Variants in NBAS observed in about 807,000 individuals in gnomAD.
The protein encoded by NBAS is NBAS subunit of NRZ tethering complex.
NBAS carries 219 observed loss-of-function variants against 302.5 expected under a neutral mutation model. That is an observed-to-expected ratio of 0.72 (90% confidence interval 0.65 to 0.81). The LOEUF is 0.81. Among genes scored for constraint, NBAS ranks in the 30% least tolerant of loss-of-function variants. The pLI is 0.00. For missense variants in NBAS, 2,932 were observed against 2,841.6 expected, an observed-to-expected ratio of 1.03 and a Z score of -0.72; for synonymous variants, 1,118 against 1,021.6, an observed-to-expected ratio of 1.09 and a Z score of -1.80.
At chr2:14,938,588 C>G in the NBAS span, among the ~76,000 whole-genome samples, 2 of 152,290 alleles carry the variant, frequency 1.3e-5, no homozygotes, top group Non-Finnish European at 2.9e-5. Context: ...ATCAAGAATA[C>G]CAGATTCTAC....
At chr2:15,130,760 A>T in the NBAS span, among the ~76,000 whole-genome samples, 3 of 152,214 alleles carry the variant, frequency 2.0e-5, no homozygotes, top group Admixed American at 2.0e-4. Flanking sequence ...GTCTCCGCTA[A>T]GCCATTCCCT....
intron 9 of NBAS, among the ~76,000 whole-genome samples, chr2:15,511,698 A>C (rs965670747): frequency 1.3e-5 from 2 of 152,220 alleles, no homozygotes; most frequent in Non-Finnish European, 2.9e-5. Context: ...CACATTATGT[A>C]TTAATTATGG....
intron 12 of NBAS, among the ~76,000 whole-genome samples, chr2:15,479,757 C>A (rs1423721067): frequency 6.6e-6 from 1 of 152,190 alleles, no homozygotes; most frequent in Non-Finnish European, 1.5e-5. Context: ...CTCTTCCCTG[C>A]ACACTGCTTA....
intron 51 of NBAS, among the ~76,000 whole-genome samples, chr2:15,168,587 C>A (rs1355472348): frequency 6.6e-6 from 1 of 152,180 alleles, no homozygotes; most frequent in African/African-American, 2.4e-5. Flanking sequence ...TCCCAAGATG[C>A]CTGAGATCTG....
At chr2:15,313,979 A>C (rs1394433302) in intron 38 of NBAS, among the ~76,000 whole-genome samples, 1 of 152,236 alleles carries the variant, frequency 6.6e-6, no homozygotes, top group East Asian at 1.9e-4. Flanking sequence ...ATTCTATTTA[A>C]ATTCTTCAGT....
intron 40 of NBAS, among the ~76,000 whole-genome samples, chr2:15,299,757 G>GA (rs764617215): frequency 1.3e-5 from 2 of 151,332 alleles, no homozygotes; most frequent in Admixed American, 6.6e-5. Context: ...AGATATGAGG[G>GA]AAAAAAAATC....
the NBAS span, among the ~76,000 whole-genome samples, chr2:15,006,266 A>G: frequency 4.6e-5 from 7 of 152,192 alleles, no homozygotes; most frequent in Non-Finnish European, 1.0e-4. Context: ...TTTGATTCAG[A>G]AATTCTGCCT....
the NBAS span, among the ~76,000 whole-genome samples, chr2:15,089,770 A>T: frequency 8.1e-6 from 1 of 124,108 alleles, no homozygotes; most frequent in African/African-American, 3.2e-5. Flanking sequence ...TTTTTTTGAG[A>T]CAGAGTCTCG....
chr2:14,880,570 G>A, the NBAS span, among the ~76,000 whole-genome samples: 1 of 151,752 alleles, frequency 6.6e-6, no homozygotes, highest in Admixed American at 6.6e-5. Flanking sequence ...ACATTATAAG[G>A]TAAAAAGGAG....
At chr2:15,456,507 A>G (rs899977771) in intron 21 of NBAS, among the ~76,000 whole-genome samples, 6 of 152,202 alleles carry the variant, frequency 3.9e-5, no homozygotes, top group African/African-American at 1.2e-4. Flanking sequence ...TGTACTAGGC[A>G]CTGTTCTCAG....
the NBAS span, among the ~76,000 whole-genome samples, chr2:14,868,873 A>G: frequency 6.6e-6 from 1 of 152,216 alleles, no homozygotes; most frequent in African/African-American, 2.4e-5. Context: ...AAGATGGCTG[A>G]GGGGTGGTGC....
chr2:15,147,760 T>C, the NBAS span, among the ~76,000 whole-genome samples: 4 of 152,196 alleles, frequency 2.6e-5, no homozygotes, highest in Non-Finnish European at 5.9e-5. Context: ...CTCATTTACG[T>C]AGCCTGCAAA....
chr2:14,883,922 T>C, the NBAS span, among the ~76,000 whole-genome samples: 2 of 151,398 alleles, frequency 1.3e-5, no homozygotes, highest in South Asian at 2.1e-4. Context: ...CAGTGAACCA[T>C]GATTGCCTCA....
At chr2:15,106,363 T>C in the NBAS span, among the ~76,000 whole-genome samples, 3 of 152,096 alleles carry the variant, frequency 2.0e-5, no homozygotes, top group Admixed American at 6.6e-5. Flanking sequence ...CACAGAGTAA[T>C]GTGACAAGTG....
In NBAS at chr2:15,344,094, G is replaced by GA. The variant is rs547849661; in HGVS notation, c.4179+7897dup. Among the ~76,000 whole-genome samples the GA allele has an allele frequency of 3.6e-3, 545 of 149,964 alleles. 2 individuals are homozygous for GA. Among genetic ancestry groups the GA allele is most frequent in the Non-Finnish European group, 4.9e-3 (330 of 67,464 alleles). On this transcript the variant is annotated intron_variant, in intron 35 of 51. Coordinates refer to ENST00000281513, the MANE Select transcript of NBAS (RefSeq NM_015909.4). The stretch of plus-strand genomic sequence containing the variant: ...AAATATTTGAATACCATTACATTAA[G>GA]AAAGTATAAGAATAGCCAGCCAATA...
At chr2:15,131,140 T>C in the NBAS span, among the ~76,000 whole-genome samples, 1 of 152,212 alleles carries the variant, frequency 6.6e-6, no homozygotes. Flanking sequence ...GATTCACAAC[T>C]CTGTGTCAGT....
intron 38 of NBAS, among the ~76,000 whole-genome samples, chr2:15,314,394 A>C (rs562143516): frequency 5.9e-5 from 9 of 152,264 alleles, no homozygotes; most frequent in Admixed American, 5.2e-4. Context: ...ACAAAAAACA[A>C]GTATTAAAAG....
chr2:14,779,715 C>T, the NBAS span, among the ~76,000 whole-genome samples: 1,985 of 152,322 alleles, frequency 0.013, 46 homozygotes, highest in African/African-American at 0.044. Flanking sequence ...TTGCCTCCAC[C>T]TCACATACTA....
chr2:15,418,069 T>C (rs1677034586), intron 23 of NBAS, among the ~76,000 whole-genome samples: 1 of 152,226 alleles, frequency 6.6e-6, no homozygotes, highest in Non-Finnish European at 1.5e-5. Context: ...CTAATGATAA[T>C]GTCAAAATAA....
Sources: gnomAD v4.1 joint callset for allele counts (sites outside exome capture counted in the v4.1 genomes callset) on GRCh38, gnomAD v4.1.1 for gene constraint, MANE v1.5 for transcripts, NCBI Gene and HGNC (gene_info 2026-07-23, HGNC 2026-07-21) for gene names.